Variants in SORCS2 observed in about 807,000 individuals in gnomAD.
SORCS2 encodes VPS10 domain-containing receptor SorCS2.
In SORCS2, 100 loss-of-function variants were observed where a neutral mutation model predicts 141.6. The observed-to-expected ratio is 0.71, with a 90% CI of 0.60 to 0.83. The LOEUF (loss-of-function observed/expected upper bound fraction) is 0.83, where lower values mean the gene tolerates loss of function less well. SORCS2 is among the 40% of genes least tolerant of loss of function. The probability of loss-of-function intolerance (pLI) is 0.00; values close to 1 mark genes in which losing one functional copy is unlikely to be tolerated. For synonymous variants in SORCS2, 789 were observed against 676.9 expected (o/e 1.17, Z -2.57); for missense variants, 1,646 against 1,560.2 (o/e 1.05, Z -0.93).
chr4:7,564,335 G>C (rs1157852648), intron 3 of SORCS2, among the ~76,000 whole-genome samples: 2 of 152,174 alleles, frequency 1.3e-5, no homozygotes, highest in Non-Finnish European at 2.9e-5. Flanking sequence ...CTGGCTGACT[G>C]TCCCTGCCCT....
chr4:7,531,465 GT>G, intron 2 of SORCS2, 64 bp from the exon 3 acceptor site: 1 of 1,488,576 alleles, frequency 6.7e-7, no homozygotes, highest in Non-Finnish European at 9.3e-7. Context: ...GCTGGACACC[GT>G]GTGGGCTGAC....
At chr4:7,402,873 T>C (rs911647488) in intron 2 of SORCS2, among the ~76,000 whole-genome samples, 1 of 152,094 alleles carries the variant, frequency 6.6e-6, no homozygotes, top group Non-Finnish European at 1.5e-5. Context: ...GTGACTCACC[T>C]GCTCATATCT....
At chr4:7,673,917 G>A (rs896148098) in intron 8 of SORCS2, among the ~76,000 whole-genome samples, 2 of 152,146 alleles carry the variant, frequency 1.3e-5, no homozygotes, top group South Asian at 2.1e-4. Context: ...TCCCTGCCAC[G>A]GCCCAGGCTG....
In SORCS2 at chr4:7,740,207, C is replaced by T. The variant is rs751671714; in HGVS notation, c.3423C>T (p.His1141=). The T allele has an allele frequency of 1.2e-6, 2 of 1,608,490 alleles. No homozygotes were observed. The highest frequency in any genetic ancestry group is 1.7e-6 in the Non-Finnish European group (2 of 1,179,156). ...GTCTCTTCTGTTTCCTAGGCAACCACTCAGGCGTGGTCCTGAGCATCAACT... is the reference window on the plus strand; with the variant it reads ...GTCTCTTCTGTTTCCTAGGCAACCATTCAGGCGTGGTCCTGAGCATCAACT... ...EDVQGAVQGN[H]SGVVLSINSR... Residue 1141 remains histidine, a synonymous_variant, in exon 27 of 27, where the codon CAC becomes CAT. Transcript: ENST00000507866.
intron 1 of SORCS2, among the ~76,000 whole-genome samples, chr4:7,357,148 C>T (rs1283709726): frequency 1.3e-5 from 2 of 152,186 alleles, no homozygotes; most frequent in Admixed American, 6.5e-5. Flanking sequence ...ACTTCCTCCT[C>T]CACCCGTGAC....
At chr4:7,646,177 A>G (rs1193162827) in intron 4 of SORCS2, among the ~76,000 whole-genome samples, 1 of 152,222 alleles carries the variant, frequency 6.6e-6, no homozygotes, top group Non-Finnish European at 1.5e-5. Context: ...CCCAGGACGC[A>G]AGGAAGTCAG....
At chr4:7,328,790 C>G (rs1004434839) in intron 1 of SORCS2, among the ~76,000 whole-genome samples, 1 of 152,246 alleles carries the variant, frequency 6.6e-6, no homozygotes, top group Non-Finnish European at 1.5e-5. Context: ...CGACCAGGGG[C>G]TACCCTCAGC....
At chr4:7,299,184 G>C (rs1577371283) in intron 1 of SORCS2, among the ~76,000 whole-genome samples, 1 of 152,302 alleles carries the variant, frequency 6.6e-6, no homozygotes, top group South Asian at 2.1e-4. Context: ...GGCCTGTCCG[G>C]GGCTGGGGGT....
At chr4:7,514,651 C>A (rs992314152) in intron 2 of SORCS2, among the ~76,000 whole-genome samples, 1 of 151,836 alleles carries the variant, frequency 6.6e-6, no homozygotes, top group Non-Finnish European at 1.5e-5. Context: ...GTGGAGGTCA[C>A]GTTTCCTGGG....
Position 7,742,202 on chromosome 4 carries a change from C to T in SORCS2, c.*1938C>T, listed in dbSNP as rs1712730327. ...GACTCTCTGGGACCTTGCCACAGCC[C>T]CCATTCCCCTGCTTGCAGTCTGCAA... On this transcript the variant is annotated 3_prime_UTR_variant, in exon 27 of 27. Transcript: ENST00000507866. 1 of 152,264 alleles carries T rather than the reference C, an allele frequency of 6.6e-6. No homozygotes were observed. The highest frequency in any genetic ancestry group is 2.4e-5 in the African/African-American group (1 of 41,460). The allele number at this position is 152,264 out of a possible 1,614,324, so 9.4% of individuals were successfully genotyped here.
chr4:7,374,425 G>A (rs548012931), intron 1 of SORCS2, among the ~76,000 whole-genome samples: 2 of 152,276 alleles, frequency 1.3e-5, no homozygotes, highest in South Asian at 4.1e-4. Context: ...TCATGAGCAA[G>A]GTGGATTTCT....
chr4:7,258,142 T>TA lies in SORCS2; in HGVS notation c.480+65023dup, dbSNP rs199759100. Among the ~76,000 whole-genome samples the TA allele has an allele frequency of 3.5e-3, 526 of 152,318 alleles. 4 individuals are homozygous for TA. The highest frequency in any genetic ancestry group is 0.012 in the African/African-American group (511 of 41,566). On this transcript the variant is annotated intron_variant, in intron 1 of 26. Coordinates refer to ENST00000507866, the MANE Select transcript of SORCS2 (RefSeq NM_020777.3). ...ACCTCTGTGATTATCCCTTTCTTTT[T>TA]AAAAAAATTTTTTTTTAAAATTATA...
chr4:7,661,225 G>C (rs1325804735), intron 5 of SORCS2, among the ~76,000 whole-genome samples: 1 of 129,176 alleles, frequency 7.7e-6, no homozygotes, highest in Non-Finnish European at 1.6e-5. Flanking sequence ...AACCCCCTCA[G>C]CTCACGTAAG....
intron 1 of SORCS2, among the ~76,000 whole-genome samples, chr4:7,202,698 A>G (rs904985038): frequency 5.3e-5 from 8 of 152,148 alleles, no homozygotes; most frequent in Non-Finnish European, 1.2e-4. Flanking sequence ...ATTCAGATCA[A>G]TTTTAATTCA....
chr4:7,353,717 C>T (rs540704150), intron 1 of SORCS2, among the ~76,000 whole-genome samples: 3 of 151,986 alleles, frequency 2.0e-5, no homozygotes, highest in Non-Finnish European at 2.9e-5. Flanking sequence ...TTTTCTGGGT[C>T]GTGTTTGTCA....
chr4:7,734,275 C>A lies in SORCS2; in HGVS notation c.3212C>A (p.Ala1071Asp), dbSNP rs1208511110. The A allele has an allele frequency of 6.3e-7, 1 of 1,597,518 alleles. No individual in the cohort carries two copies. Among genetic ancestry groups the A allele is most frequent in the East Asian group, 2.3e-5 (1 of 44,196 alleles). The part of the protein sequence containing the change: ...LVALRDTGTG[A>D]EQLGGGGGYW... ...CTGACAACCGCTTTGCTTGCAGGTGCTGAGCAGCTGGGCGGCGGTGGCGGC... is the reference window on the plus strand; with the variant it reads ...CTGACAACCGCTTTGCTTGCAGGTGATGAGCAGCTGGGCGGCGGTGGCGGC... Residue 1071 changes from alanine (A) to aspartate (D), a missense_variant, in exon 25 of 27, where the codon GCT becomes GAT. Coordinates refer to ENST00000507866, the MANE Select transcript of SORCS2 (RefSeq NM_020777.3).
At position 7,377,682 on chromosome 4, in the gene SORCS2, C is replaced by T. The variant is rs1044577739; in HGVS notation, c.481-18606C>T. Among the ~76,000 whole-genome samples the T allele has an allele frequency of 7.2e-5, 11 of 152,328 alleles. No homozygotes were observed. In the South Asian group the frequency reaches 1.7e-3, roughly 23 times the overall value. ...TCACCCAGGATGGCAGAATGCCCTC[C>T]GCCACAGCTGGTAATGAAATGCCAG... On this transcript the variant is annotated intron_variant, in intron 1 of 26. Transcript: ENST00000507866.
chr4:7,275,677 G>C (rs55974667), intron 1 of SORCS2, among the ~76,000 whole-genome samples: 14,972 of 152,036 alleles, frequency 0.098, 1,090 homozygotes, highest in Admixed American at 0.24. Flanking sequence ...TGCTTCTGTT[G>C]TCCTGTGGTC....
At chr4:7,521,548 C>T (rs1050746033) in intron 2 of SORCS2, among the ~76,000 whole-genome samples, 9 of 152,184 alleles carry the variant, frequency 5.9e-5, no homozygotes, top group South Asian at 2.1e-4. Flanking sequence ...TACCTCTTCG[C>T]GGGTTCTGTG....
Sources: gnomAD v4.1 joint callset for allele counts (sites outside exome capture counted in the v4.1 genomes callset) on GRCh38, gnomAD v4.1.1 for gene constraint, MANE v1.5 for transcripts, NCBI Gene and HGNC (gene_info 2026-07-23, HGNC 2026-07-21) for gene names.